ACOT9: variants seen among roughly 807,000 people sequenced by gnomAD.
ACOT9 encodes acyl-coenzyme A thioesterase 9, mitochondrial.
In ACOT9, 34 loss-of-function variants were observed where a neutral mutation model predicts 39.7. That is an observed-to-expected ratio of 0.86 (90% CI 0.65 to 1.14). The LOEUF is 1.14. Among genes scored for constraint, ACOT9 ranks in the 50% most tolerant of loss-of-function variants. The pLI, the probability that ACOT9 is intolerant of heterozygous loss-of-function variation, is 0.00. For synonymous variants in ACOT9, 110 were observed against 120.5 expected, an observed-to-expected ratio of 0.91 and a Z score of 0.57; for missense variants, 313 against 344.1, an observed-to-expected ratio of 0.91 and a Z score of 0.71.
intron 9 of ACOT9, among the ~76,000 whole-genome samples, chrX:23,712,857 G>A (rs1325017616): frequency 8.9e-6 from 1 of 112,711 alleles, no homozygotes; most frequent in Admixed American, 9.4e-5. Flanking sequence ...CTGACCTTAA[G>A]TGATCCACCA....
intron 8 of ACOT9, among the ~76,000 whole-genome samples, chrX:23,720,162 A>G (rs1358810054): frequency 4.4e-5 from 5 of 112,825 alleles, no homozygotes; most frequent in African/African-American, 1.6e-4. Flanking sequence ...TTCCACAATG[A>G]AATCTTGGAC....
chrX:23,742,658 T>A (rs758598045), intron 1 of ACOT9, among the ~76,000 whole-genome samples: 1 of 111,766 alleles, frequency 8.9e-6, no homozygotes, highest in South Asian at 3.8e-4. Flanking sequence ...AGGTACCCTG[T>A]AATCTCTGCC....
intron 1 of ACOT9, among the ~76,000 whole-genome samples, chrX:23,738,935 T>C (rs1359699902): frequency 2.0e-5 from 2 of 99,751 alleles, no homozygotes; most frequent in African/African-American, 7.9e-5. Flanking sequence ...CATTCCATCC[T>C]GTTTGTGTGA....
chrX:23,705,267 A>G (rs5970777), intron 13 of ACOT9, among the ~76,000 whole-genome samples, 187 bp from the exon 14 acceptor site: 41,140 of 110,505 alleles, frequency 0.37, 6,195 homozygotes, highest in Non-Finnish European at 0.48. Context: ...CAAAATAACT[A>G]TATCTTTTCC....
Position 23,743,177 on chromosome X carries a change from C to A in ACOT9, c.-33G>T. ...GGCTGCCGTGCGCGCGATGGAGAAC[C>A]GGGCCCCGCGCGCTAGTCGGCGGAG... is the stretch of plus-strand genomic sequence containing the variant. On this transcript the variant is annotated 5_prime_UTR_variant, in exon 1 of 16. Coordinates refer to ENST00000379303, the MANE Select transcript of ACOT9 (RefSeq NM_001037171.2). 2 of 1,146,812 alleles carry A rather than the reference C, an allele frequency of 1.7e-6. 1 individual carries two copies. Among genetic ancestry groups the A allele is most frequent in the South Asian group, 4.0e-5 (2 of 50,431 alleles). The allele number at this position is 1,146,812 out of a possible 1,213,427, so 94.5% of individuals were successfully genotyped here.
intron 1 of ACOT9, among the ~76,000 whole-genome samples, chrX:23,739,174 C>A (rs1335601563): frequency 1.8e-5 from 2 of 111,060 alleles, no homozygotes; most frequent in African/African-American, 6.6e-5. Flanking sequence ...AGGAGTATTG[C>A]TTCAACCCAG....
At chrX:23,704,028 G>C in intron 15 of ACOT9, 46 bp from the exon 16 acceptor site, 1 of 1,038,977 alleles carries the variant, frequency 9.6e-7, no homozygotes, top group Non-Finnish European at 1.3e-6. Context: ...TAATACCGTA[G>C]AAAACCATCA....
chrX:23,714,682 T>C (rs1251977273), intron 8 of ACOT9, among the ~76,000 whole-genome samples: 2 of 111,173 alleles, frequency 1.8e-5, no homozygotes, highest in Non-Finnish European at 3.8e-5. Flanking sequence ...TGGAGTACAG[T>C]GGCATGATCA....
At chrX:23,723,599 C>CAAA (rs34401071) in intron 6 of ACOT9, among the ~76,000 whole-genome samples, 7 of 54,372 alleles carry the variant, frequency 1.3e-4, no homozygotes, top group Non-Finnish European at 1.3e-4. Context: ...AAGACTGTCT[C>CAAA]AAAAAAAAAA....
chrX:23,712,353 C>T (rs1170349568), intron 9 of ACOT9, among the ~76,000 whole-genome samples: 2 of 101,233 alleles, frequency 2.0e-5, no homozygotes, highest in African/African-American at 7.4e-5. Context: ...TGCAGTGAAC[C>T]GAGATCCCAC....
chrX:23,742,547 A>G (rs1920986804), intron 1 of ACOT9, among the ~76,000 whole-genome samples: 1 of 111,098 alleles, frequency 9.0e-6, no homozygotes, highest in South Asian at 3.8e-4. Context: ...TGGCCCAATC[A>G]AAGCACCCAG....
At chrX:23,715,304 A>G (rs913282250) in intron 8 of ACOT9, among the ~76,000 whole-genome samples, 1 of 111,282 alleles carries the variant, frequency 9.0e-6, no homozygotes, top group East Asian at 2.8e-4. Flanking sequence ...CAGGCTGTTG[A>G]CTGCCTCCTG....
intron 1 of ACOT9, among the ~76,000 whole-genome samples, chrX:23,739,966 A>C (rs1049921142): frequency 3.6e-5 from 4 of 111,622 alleles, no homozygotes; most frequent in Admixed American, 9.6e-5. Flanking sequence ...TGCTGCCTTA[A>C]AAAATTTGGA....
At chrX:23,722,017 A>G in intron 7 of ACOT9, 33 bp from the exon 8 acceptor site, 1 of 1,042,557 alleles carries the variant, frequency 9.6e-7, no homozygotes, top group Non-Finnish European at 1.3e-6. Context: ...GGTCCAAGTC[A>G]TACCAAAAAT....
chrX:23,730,092 A>ATTTTTT (rs34896210), intron 6 of ACOT9, among the ~76,000 whole-genome samples: 6 of 78,496 alleles, frequency 7.6e-5, no homozygotes, highest in African/African-American at 1.0e-4. Flanking sequence ...AGTAGATGCC[A>ATTTTTT]TTTTTTTTTT....
At chrX:23,711,511 T>C (rs543197637) in intron 9 of ACOT9, among the ~76,000 whole-genome samples, 1 of 112,152 alleles carries the variant, frequency 8.9e-6, no homozygotes, top group African/African-American at 3.2e-5. Context: ...CCCTAGTTGT[T>C]AAGGGAACGC....
At chrX:23,704,397 G>C (rs1928600243) in intron 15 of ACOT9, among the ~76,000 whole-genome samples, 1 of 102,684 alleles carries the variant, frequency 9.7e-6, no homozygotes, top group Non-Finnish European at 2.0e-5. Context: ...AGCCAGGATG[G>C]TCTCGATCTC....
At chrX:23,717,769 C>T (rs912520259) in intron 8 of ACOT9, among the ~76,000 whole-genome samples, 2 of 111,693 alleles carry the variant, frequency 1.8e-5, no homozygotes, top group African/African-American at 6.5e-5. Flanking sequence ...TTTGAGGCCA[C>T]CTCAACAGTA....
intron 8 of ACOT9, among the ~76,000 whole-genome samples, 194 bp from the exon 9 acceptor site, chrX:23,713,402 AC>A (rs746520550): frequency 1.8e-5 from 2 of 109,821 alleles, no homozygotes; most frequent in African/African-American, 6.6e-5. Context: ...ATATGGCAAA[AC>A]CCTGTCTCTA....
Sources: allele counts gnomAD v4.1 joint callset (sites outside exome capture counted in the v4.1 genomes callset), GRCh38; gene constraint gnomAD v4.1.1; transcripts MANE v1.5; gene names NCBI Gene and HGNC (gene_info 2026-07-23, HGNC 2026-07-21).